Variants in MTMR12 observed in about 807,000 individuals in gnomAD.
MTMR12 encodes myotubularin-related protein 12.
MTMR12 carries 33 observed loss-of-function variants against 96.7 expected under a neutral mutation model. The ratio of observed to expected loss-of-function variants is 0.34; its 90% CI spans 0.26 to 0.46. MTMR12 has a LOEUF of 0.46. Among genes scored for constraint, MTMR12 ranks in the 20% least tolerant of loss-of-function variants. The pLI is 1.00. For missense variants in MTMR12, 721 were observed against 896.1 expected, an observed-to-expected ratio of 0.80 and a Z score of 2.49; for synonymous variants, 298 against 327.2, an observed-to-expected ratio of 0.91 and a Z score of 0.96.
At chr5:32,273,629 G>A (rs1364233541) in intron 3 of MTMR12, among the ~76,000 whole-genome samples, 1 of 152,110 alleles carries the variant, frequency 6.6e-6, no homozygotes, top group Non-Finnish European at 1.5e-5. Flanking sequence ...AGGCACGGGT[G>A]AGAAATTTCT....
rs1748084676 is a variant in MTMR12, at chr5:32,233,473, A to ACACACACACACACACAC, written c.1674+299_1674+300insGTGTGTGTGTGTGTGTG. ...CTCTACTAACACACACACACACACA[A>ACACACACACACACACAC]ACACACACACACACACACACACACA... On this transcript the variant is annotated intron_variant, in intron 15 of 15. Coordinates refer to ENST00000382142, the MANE Select transcript of MTMR12 (RefSeq NM_001040446.3). This position sits in a 1 kb window ranked among gnomAD's most constrained non-coding sequence, Gnocchi z 5.0. Among the ~76,000 whole-genome samples, 4 of 59,934 alleles carry ACACACACACACACACAC rather than the reference A, an allele frequency of 6.7e-5. No homozygotes were observed. Among genetic ancestry groups the ACACACACACACACACAC allele is most frequent in the Admixed American group, 1.7e-4 (1 of 5,978 alleles). 39.3% of individuals were successfully genotyped at this position (59,934 alleles called of 152,430 possible). A position where few individuals can be genotyped will look rare whatever the true frequency, so the allele number is the denominator to read the frequency against.
chr5:32,295,196 T>G (rs1206456845), intron 1 of MTMR12, among the ~76,000 whole-genome samples: 1 of 152,254 alleles, frequency 6.6e-6, no homozygotes, highest in African/African-American at 2.4e-5. Flanking sequence ...CCCATGCTTC[T>G]GAAAGCATGA....
Position 32,243,591 on chromosome 5 carries a change from T to C in MTMR12, c.1030A>G (p.Thr344Ala), listed in dbSNP as rs1463506350. Reference sequence around the variant, plus strand: ...TTTATATCTGTGTCCCAAAATTCAGTACTGTTATCTGAAAAAAGAAAAAGG... The same window carrying C: ...TTTATATCTGTGTCCCAAAATTCAGCACTGTTATCTGAAAAAAGAAAAAGG... ...FKQLFLIDNS[T>A]EFWDTDIKWF... Residue 344 changes from threonine (T) to alanine (A), a missense_variant, in exon 11 of 16, where the codon ACT (threonine) becomes GCT (alanine). Thr to Ala is a moderately conservative substitution (Grantham distance 58). Transcript: ENST00000382142. 6.2e-7 allele frequency: 1 copy of C among 1,605,230 alleles called. No homozygotes were observed. The highest frequency in any genetic ancestry group is 8.5e-7 in the Non-Finnish European group (1 of 1,172,620).
At chr5:32,287,525 A>G (rs1750582490) in intron 1 of MTMR12, among the ~76,000 whole-genome samples, 1 of 151,838 alleles carries the variant, frequency 6.6e-6, no homozygotes, top group African/African-American at 2.4e-5. Context: ...TATTTAATAA[A>G]CTCCCCTTTA....
At chr5:32,281,698 G>A (rs1750301144) in intron 1 of MTMR12, among the ~76,000 whole-genome samples, 1 of 152,032 alleles carries the variant, frequency 6.6e-6, no homozygotes, top group South Asian at 2.1e-4. Context: ...TCAGGAGTTC[G>A]AGACCAGCCT....
At chr5:32,310,347 A>C (rs1267481791) in intron 1 of MTMR12, among the ~76,000 whole-genome samples, 1 of 152,106 alleles carries the variant, frequency 6.6e-6, no homozygotes, top group Non-Finnish European at 1.5e-5. Flanking sequence ...AGAAATCTGC[A>C]CTCCCATGTT....
chr5:32,233,979 A>G lies in MTMR12; in HGVS notation c.1513-45T>C. On this transcript the variant is annotated intron_variant, in intron 14 of 15. Coordinates refer to ENST00000382142, the MANE Select transcript of MTMR12 (RefSeq NM_001040446.3). This position sits in a 1 kb window ranked among gnomAD's most constrained non-coding sequence, Gnocchi z 5.0. ...TCATGCTGTTTTCCAGGGAGGGCTG[A>G]GGAAGGCAAACACATACTTCTGGAC... The G allele has an allele frequency of 1.2e-6, 2 of 1,610,654 alleles. No homozygotes were observed. Among genetic ancestry groups the G allele is most frequent in the Non-Finnish European group, 1.7e-6 (2 of 1,177,522 alleles).
chr5:32,228,196 A>T lies in MTMR12; in HGVS notation c.*1582T>A, dbSNP rs1392754217. On this transcript the variant is annotated 3_prime_UTR_variant, in exon 16 of 16. Transcript: ENST00000382142. ...TTTTTAGTAGAGACAGGGTTTTGCC[A>T]TGTTGCCCCGGCTGGTCTCGAACTC... 1 of 152,034 alleles carries T rather than the reference A, an allele frequency of 6.6e-6. No homozygotes were observed. Among genetic ancestry groups the T allele is most frequent in the African/African-American group, 2.4e-5 (1 of 41,366 alleles). The allele number at this position is 152,034 out of a possible 1,614,324, so 9.4% of individuals were successfully genotyped here.
chr5:32,255,153 C>T (rs995243846), intron 8 of MTMR12, among the ~76,000 whole-genome samples: 5 of 152,190 alleles, frequency 3.3e-5, no homozygotes, highest in African/African-American at 1.2e-4. Flanking sequence ...ATTCTCATTC[C>T]TTACTAAATA....
At position 32,235,025 on chromosome 5, in the gene MTMR12, G is replaced by A. The variant is rs1183677425; in HGVS notation, c.1449C>T (p.Ser483=). Residue 483 remains serine, a synonymous_variant, in exon 14 of 16, where the codon AGC becomes AGT. Coordinates refer to ENST00000382142, the MANE Select transcript of MTMR12 (RefSeq NM_001040446.3). ...TETYLTVLSD[S]LYIPIFSTFF... ...AGGTGCTAAAAATAGGTATATACAG[G>A]CTATCTGACAAAACAGTCAGGTAAG... 6.2e-7 allele frequency: 1 copy of A among 1,613,582 alleles called. No homozygotes were observed. Among genetic ancestry groups the A allele is most frequent in the Admixed American group, 1.7e-5 (1 of 59,996 alleles).
chr5:32,304,943 T>C (rs139735027), intron 1 of MTMR12, among the ~76,000 whole-genome samples: 348 of 152,294 alleles, frequency 2.3e-3, no homozygotes, highest in African/African-American at 8.2e-3. Context: ...GCTAAGAAAG[T>C]GACCATCTCT....
Position 32,235,087 on chromosome 5 carries a change from C to T in MTMR12, c.1387G>A (p.Val463Met). 1 of 1,613,980 alleles carries T rather than the reference C, an allele frequency of 6.2e-7. No individual in the cohort carries two copies. ...TCAAATGCCGGGGGATGCTGGTGCA[C>T]CAGCTGCCAGACACAATCTAGGAAA... ...LLFLDCVWQL[V>M]HQHPPAFEFT... Residue 463 changes from valine to methionine, a missense_variant, in exon 14 of 16, where the codon GTG becomes ATG. Physicochemically the swap from Val to Met is conservative, Grantham distance 21. Transcript: ENST00000382142.
intron 1 of MTMR12, among the ~76,000 whole-genome samples, chr5:32,311,691 C>G (rs1328924808): frequency 6.6e-6 from 1 of 152,210 alleles, no homozygotes; most frequent in Non-Finnish European, 1.5e-5. Context: ...AAGTTCTGAT[C>G]TCTCTAACCT....
intron 1 of MTMR12, among the ~76,000 whole-genome samples, chr5:32,304,679 G>A (rs558998197): frequency 6.6e-6 from 1 of 152,348 alleles, no homozygotes; most frequent in Admixed American, 6.5e-5. Flanking sequence ...CTAAAATTCT[G>A]ATGGTAGCCC....
At chr5:32,266,907 G>A (rs905911173) in intron 6 of MTMR12, among the ~76,000 whole-genome samples, 8 of 151,464 alleles carry the variant, frequency 5.3e-5, no homozygotes, top group African/African-American at 1.2e-4. Flanking sequence ...GTGAAACCCC[G>A]TCTCTACTAA....
chr5:32,260,210 A>G lies in MTMR12; in HGVS notation c.713+2903T>C, dbSNP rs569356644. On this transcript the variant is annotated intron_variant, in intron 7 of 15. Transcript: ENST00000382142. ...GGGTGGGACACAAAGCTGCAGTCAA[A>G]CCATGAAGGGCCTTGAGAGTGCTTG... Among the ~76,000 whole-genome samples, 10 of 151,648 alleles carry G rather than the reference A, an allele frequency of 6.6e-5. 1 individual carries two copies. The East Asian group carries it at 1.6e-3, about 24-fold the overall frequency.
intron 4 of MTMR12, among the ~76,000 whole-genome samples, chr5:32,271,336 G>A (rs1317966111): frequency 6.6e-6 from 1 of 152,162 alleles, no homozygotes; most frequent in East Asian, 1.9e-4. Context: ...ACCCCCTACT[G>A]TCCCAGAATG....
chr5:32,231,642 A>T (rs914071115), intron 15 of MTMR12, among the ~76,000 whole-genome samples: 7 of 152,218 alleles, frequency 4.6e-5, no homozygotes, highest in Non-Finnish European at 8.8e-5. Flanking sequence ...CTTATTATGA[A>T]ATATGGAATA....
At chr5:32,270,676 C>T (rs1581620175) in intron 5 of MTMR12, 141 bp downstream of exon 5, 1 of 909,746 alleles carries the variant, frequency 1.1e-6, no homozygotes, top group East Asian at 2.6e-5. Context: ...ACGTTCTAAT[C>T]AAAGAATATG....
Sources: gnomAD v4.1 joint callset for allele counts (sites outside exome capture counted in the v4.1 genomes callset) on GRCh38, gnomAD v4.1.1 for gene constraint, Gnocchi (gnomAD v3.1) non-coding constraint, MANE v1.5 for transcripts, NCBI Gene and HGNC (gene_info 2026-07-23, HGNC 2026-07-21) for gene names.